Variants in P4HA1 observed in about 807,000 individuals in gnomAD.
P4HA1 encodes the protein prolyl 4-hydroxylase subunit alpha 1.
A neutral mutation model predicts 72.8 loss-of-function variants in P4HA1; 24 were observed. That is an observed-to-expected ratio of 0.33 (90% CI 0.24 to 0.46). The LOEUF (loss-of-function observed/expected upper bound fraction) is 0.46. Ranked by LOEUF, P4HA1 falls within the 20% of genes least tolerant of loss-of-function variation. The probability of loss-of-function intolerance (pLI) is 1.00; values close to 1 mark genes in which losing one functional copy is unlikely to be tolerated. For synonymous variants in P4HA1, 201 were observed against 218.8 expected, an observed-to-expected ratio of 0.92 and a Z score of 0.72; for missense variants, 446 against 640.6, an observed-to-expected ratio of 0.70 and a Z score of 3.28.
intron 5 of P4HA1, among the ~76,000 whole-genome samples, chr10:73,067,535 C>A (rs78765797): frequency 0.065 from 9,824 of 152,228 alleles, 591 homozygotes; most frequent in East Asian, 0.3. Context: ...GCCAAACCCC[C>A]ATATCCACCT....
chr10:73,036,202 A>AG (rs1249216600), intron 9 of P4HA1, among the ~76,000 whole-genome samples: 1 of 151,876 alleles, frequency 6.6e-6, no homozygotes, highest in African/African-American at 2.4e-5. Flanking sequence ...AAAAAAAAAA[A>AG]AATCTTGATG....
intron 9 of P4HA1, among the ~76,000 whole-genome samples, chr10:73,043,573 G>A (rs1840785944): frequency 6.6e-6 from 1 of 152,336 alleles, no homozygotes; most frequent in South Asian, 2.1e-4. Context: ...TTACTGCAGA[G>A]TCCAAAAGAG....
intron 10 of P4HA1, among the ~76,000 whole-genome samples, chr10:73,027,613 G>A (rs1450491324): frequency 1.7e-5 from 2 of 120,470 alleles, no homozygotes. Flanking sequence ...AAAAAGGGAA[G>A]GAAGGAAGGA....
intron 8 of P4HA1, among the ~76,000 whole-genome samples, chr10:73,046,209 C>G (rs1012786260): frequency 1.3e-5 from 2 of 152,130 alleles, no homozygotes; most frequent in Admixed American, 6.5e-5. Flanking sequence ...CTGTGTAAGA[C>G]AGCAAAGCAT....
chr10:73,066,278 A>G (rs890150312), intron 5 of P4HA1, among the ~76,000 whole-genome samples: 9 of 152,176 alleles, frequency 5.9e-5, no homozygotes, highest in South Asian at 2.1e-4. Context: ...AGAAAAGTCA[A>G]TAAGAACTAG....
intron 1 of P4HA1, among the ~76,000 whole-genome samples, chr10:73,090,974 T>C (rs1399753972): frequency 1.3e-5 from 2 of 149,340 alleles, no homozygotes; most frequent in Non-Finnish European, 1.5e-5. Context: ...AGGCAGAGAA[T>C]TGCTTGAACC....
chr10:73,089,969 G>A (rs1263478409), intron 1 of P4HA1, among the ~76,000 whole-genome samples: 4 of 151,906 alleles, frequency 2.6e-5, no homozygotes, highest in Non-Finnish European at 5.9e-5. Flanking sequence ...CCCAAGTAGC[G>A]GGGACTGCAG....
intron 6 of P4HA1, among the ~76,000 whole-genome samples, chr10:73,051,464 TAA>T (rs1330780296): frequency 2.0e-5 from 3 of 152,124 alleles, no homozygotes; most frequent in African/African-American, 7.2e-5. Context: ...GTCACCTATA[TAA>T]AAACAGTTCT....
chr10:73,017,243 A>G (rs1013630567), intron 10 of P4HA1, among the ~76,000 whole-genome samples: 3 of 150,036 alleles, frequency 2.0e-5, no homozygotes, highest in South Asian at 4.2e-4. Context: ...ATAGATATCT[A>G]TATCTACAGA....
intron 1 of P4HA1, among the ~76,000 whole-genome samples, chr10:73,081,706 T>C (rs1474251333): frequency 1.3e-5 from 2 of 152,206 alleles, no homozygotes; most frequent in African/African-American, 2.4e-5. Context: ...TTTTCAACTT[T>C]ATGATGGTGC....
At chr10:73,032,856 A>G (rs1373133385) in intron 9 of P4HA1, among the ~76,000 whole-genome samples, 6 of 152,192 alleles carry the variant, frequency 3.9e-5, no homozygotes, top group Non-Finnish European at 8.8e-5. Context: ...AGTTTTTACT[A>G]ATCATTACCA....
intron 5 of P4HA1, among the ~76,000 whole-genome samples, chr10:73,062,936 A>T (rs1366633878): frequency 1.3e-5 from 2 of 152,062 alleles, no homozygotes; most frequent in Non-Finnish European, 2.9e-5. Context: ...GACCCAATAT[A>T]ATCAAATATT....
At chr10:73,070,169 T>TTC (rs2133128316) in intron 4 of P4HA1, among the ~76,000 whole-genome samples, 1 of 119,284 alleles carries the variant, frequency 8.4e-6, no homozygotes, top group South Asian at 3.1e-4. Flanking sequence ...TTTTTTTTTT[T>TTC]TTTTTTGAGA....
At position 73,010,961 on chromosome 10, in the gene P4HA1, A is replaced by G. The variant is rs199988047; in HGVS notation, c.1437+8T>C. 1.8e-4 allele frequency: 284 copies of G among 1,609,384 alleles called. No individual in the cohort carries two copies. The highest frequency in any genetic ancestry group is 2.2e-4 in the Non-Finnish European group (261 of 1,176,140). ...TTAATAAACCAAAAACAAAACAAACAGGCTTACTTTTTTGGGCCAAACACT... is the reference window on the plus strand; with the variant it reads ...TTAATAAACCAAAAACAAAACAAACGGGCTTACTTTTTTGGGCCAAACACT... On this transcript the variant is annotated splice_region_variant and intron_variant, in intron 13 of 14. Coordinates refer to ENST00000394890, the MANE Select transcript of P4HA1 (RefSeq NM_001017962.3).
At chr10:73,087,235 AT>A (rs1182792605) in intron 1 of P4HA1, among the ~76,000 whole-genome samples, 12 of 150,314 alleles carry the variant, frequency 8.0e-5, no homozygotes, top group African/African-American at 2.7e-4. Flanking sequence ...TTAATTTGCA[AT>A]TCCATAATTA....
chr10:73,019,574 T>TA (rs1374735379), intron 10 of P4HA1, among the ~76,000 whole-genome samples: 1 of 151,106 alleles, frequency 6.6e-6, no homozygotes, highest in East Asian at 1.9e-4. Flanking sequence ...AAAGATATCA[T>TA]AAAAAAGAAC....
At chr10:73,008,424 ATGC>A (rs1839839323) in intron 14 of P4HA1, 132 bp from the exon 15 acceptor site, 19 of 610,290 alleles carry the variant, frequency 3.1e-5, no homozygotes, top group Non-Finnish European at 5.0e-5. Context: ...ATAAAGGCAG[ATGC>A]TACTTAAAAA....
intron 10 of P4HA1, 24 bp from the exon 11 acceptor site, chr10:73,016,923 A>G (rs1385119718): frequency 2.5e-6 from 4 of 1,591,886 alleles, no homozygotes; most frequent in Non-Finnish European, 3.4e-6. Flanking sequence ...ACAAAGCATG[A>G]AAGAAAAGAA....
intron 9 of P4HA1, among the ~76,000 whole-genome samples, 167 bp from the exon 10 acceptor site, chr10:73,030,537 A>AT (rs1306884553): frequency 1.3e-5 from 2 of 151,886 alleles, no homozygotes; most frequent in South Asian, 4.2e-4. Context: ...GGATATTGTA[A>AT]TTTTTTTTAA....
Sources: gnomAD v4.1 joint callset for allele counts (sites outside exome capture counted in the v4.1 genomes callset) on GRCh38, gnomAD v4.1.1 for gene constraint, MANE v1.5 for transcripts, NCBI Gene and HGNC (gene_info 2026-07-23, HGNC 2026-07-21) for gene names.